Variants in ACSS1 observed in about 807,000 individuals in gnomAD.
The protein encoded by ACSS1 is acyl-CoA synthetase short chain family member 1.
A neutral mutation model predicts 75.3 loss-of-function variants in ACSS1; 42 were observed. The observed-to-expected ratio is 0.56, with a 90% CI of 0.44 to 0.72. The LOEUF is 0.72. ACSS1 is among the 30% of genes least tolerant of loss of function. The probability of loss-of-function intolerance (pLI) is 0.00; values close to 1 mark genes in which losing one functional copy is unlikely to be tolerated. For missense variants in ACSS1, 782 were observed against 935.7 expected (o/e 0.84, Z 2.14); for synonymous variants, 380 against 376.8 (o/e 1.01, Z -0.10).
In ACSS1 at chr20:25,021,431, T is replaced by A. The variant is rs1299501827; in HGVS notation, c.1066A>T (p.Thr356Ser). The A allele has an allele frequency of 6.2e-7, 1 of 1,614,216 alleles. No homozygotes were observed. Among genetic ancestry groups the A allele is most frequent in the East Asian group, 2.2e-5 (1 of 44,886 alleles). The change falls in exon 6 of 14, where the codon ACC becomes TCC. Residue 356 changes from threonine to serine, a missense_variant. By Grantham distance (58) the Thr-to-Ser change is moderately conservative. This residue lies in a region of ACSS1 where 405 missense variants were observed against 552.6 expected (regional missense o/e 0.73). Coordinates refer to ENST00000323482, the MANE Select transcript of ACSS1 (RefSeq NM_032501.4). ...GGGGTGCTCTCAAAAAGGACGCTGG[T>A]GGCACCATTGCAGAGAGGCCCATAC... ...VVYGPLCNGA[T>S]SVLFESTPVY...
chr20:25,043,068 C>G (rs1393554194), intron 2 of ACSS1, among the ~76,000 whole-genome samples: 1 of 152,124 alleles, frequency 6.6e-6, no homozygotes, highest in Non-Finnish European at 1.5e-5. Context: ...CCTGGCCCCT[C>G]CCCCTGCCAG....
chr20:25,013,926 C>A (rs1267767193), intron 9 of ACSS1, 35 bp downstream of exon 9: 11 of 1,589,750 alleles, frequency 6.9e-6, no homozygotes, highest in Non-Finnish European at 9.5e-6. Context: ...GGAGGGCAAG[C>A]ACATGACCCC....
chr20:25,023,942 C>T (rs1451515068), intron 3 of ACSS1, among the ~76,000 whole-genome samples: 1 of 152,192 alleles, frequency 6.6e-6, no homozygotes, highest in East Asian at 1.9e-4. Context: ...CAGACTTCCA[C>T]CTTTCTCTCC....
rs1464623012 is a variant in ACSS1 at position 25,057,845 on chromosome 20, G to A, written c.258C>T (p.Pro86=). ...LARDTLVWDT[P]YHTVWDCDFS... is the part of the protein sequence containing the mutation. ...AGTCGCAGTCCCAGACGGTGTGGTAGGGGGTGTCCCACACGAGAGTGTCCC... is the reference window on the plus strand; with the variant it reads ...AGTCGCAGTCCCAGACGGTGTGGTAAGGGGTGTCCCACACGAGAGTGTCCC... Residue 86 remains proline, a synonymous_variant, in exon 1 of 14, where the codon CCC becomes CCT. Coordinates refer to ENST00000323482, the MANE Select transcript of ACSS1 (RefSeq NM_032501.4). The A allele has an allele frequency of 2.5e-6, 4 of 1,612,100 alleles. No individual in the cohort carries two copies. The highest frequency in any genetic ancestry group is 1.3e-5 in the African/African-American group (1 of 74,856).
intron 2 of ACSS1, among the ~76,000 whole-genome samples, chr20:25,041,808 G>C (rs186331621): frequency 4.9e-4 from 75 of 152,350 alleles, no homozygotes; most frequent in African/African-American, 1.6e-3. Context: ...AATACATCAG[G>C]GTGAAGACCA....
In ACSS1 at chr20:25,037,299, G is replaced by C. The variant is rs1478736363; in HGVS notation, c.432-6341C>G. 3.9e-5 allele frequency among the ~76,000 whole-genome samples: 6 copies of C among 152,150 alleles called. No individual in the cohort carries two copies. In the East Asian group the frequency reaches 1.2e-3, roughly 29 times the overall value. ...GAAGTGGGAAGGACCTCCACCAAGA[G>C]CGACACCCACCCTGCAGACACCCTG... On this transcript the variant is annotated intron_variant, in intron 2 of 13. Transcript: ENST00000323482.
chr20:25,033,162 T>C (rs2088855911), intron 2 of ACSS1, among the ~76,000 whole-genome samples: 1 of 152,166 alleles, frequency 6.6e-6, no homozygotes, highest in Non-Finnish European at 1.5e-5. Flanking sequence ...TCACTCAACA[T>C]CTTCAGCCAG....
In ACSS1 at chr20:25,013,978, C is replaced by T. The variant is rs112683865; in HGVS notation, c.1435G>A (p.Val479Ile). The stretch of plus-strand genomic sequence containing the variant: ...ATACACACCTTCTCATCCATGAGGA[C>T]GGGGACGATGCCAAAGAAGGGCCTC... ...AMRPFFGIVP[V>I]LMDEKGSVVE... Residue 479 changes from valine (V) to isoleucine (I), a missense_variant, in exon 9 of 14, where the codon GTC becomes ATC. By Grantham distance (29) the Val-to-Ile change is conservative (BLOSUM62 3). This residue lies in a region of ACSS1 where 405 missense variants were observed against 552.6 expected (regional missense o/e 0.73). Coordinates refer to ENST00000323482, the MANE Select transcript of ACSS1 (RefSeq NM_032501.4). 5,087 of 1,613,688 alleles carry T rather than the reference C, an allele frequency of 3.2e-3. 126 individuals are homozygous for T. The African/African-American group carries it at 0.053, about 17-fold the overall frequency.
At chr20:25,028,149 C>T (rs1188054017) in intron 3 of ACSS1, among the ~76,000 whole-genome samples, 8 of 152,080 alleles carry the variant, frequency 5.3e-5, no homozygotes, top group Non-Finnish European at 8.8e-5. Flanking sequence ...AAAGATATCC[C>T]ATGTTTGTGG....
chr20:25,057,658 T>C, intron 1 of ACSS1, 111 bp downstream of exon 1: 1 of 1,117,814 alleles, frequency 8.9e-7, no homozygotes, highest in Non-Finnish European at 1.2e-6. Flanking sequence ...GAGGGGCCCC[T>C]GCAGGGCTGC....
chr20:25,010,088 A>C (rs2088379338), intron 12 of ACSS1: 1 of 152,444 alleles, frequency 6.6e-6, no homozygotes, highest in Non-Finnish European at 1.5e-5. Context: ...TGTCCATATA[A>C]GGAGTTGCTC....
At chr20:25,051,340 C>T (rs1015203928) in intron 1 of ACSS1, among the ~76,000 whole-genome samples, 1 of 152,234 alleles carries the variant, frequency 6.6e-6, no homozygotes, top group Non-Finnish European at 1.5e-5. Flanking sequence ...CTTGCGTCCT[C>T]GAGCCAAAGG....
At chr20:25,051,513 G>A (rs2089174237) in intron 1 of ACSS1, among the ~76,000 whole-genome samples, 1 of 152,176 alleles carries the variant, frequency 6.6e-6, no homozygotes, top group South Asian at 2.1e-4. Flanking sequence ...GTCCCCAGAG[G>A]ACGTGTTAGC....
At chr20:25,026,976 T>A (rs1055363419) in intron 3 of ACSS1, among the ~76,000 whole-genome samples, 3 of 152,216 alleles carry the variant, frequency 2.0e-5, no homozygotes, top group African/African-American at 7.2e-5. Context: ...TTTCAAACAA[T>A]CTCAACAGAA....
chr20:25,029,005 A>C (rs2088777608), intron 3 of ACSS1, among the ~76,000 whole-genome samples: 1 of 152,230 alleles, frequency 6.6e-6, no homozygotes, highest in Non-Finnish European at 1.5e-5. Context: ...GCAAAGACAC[A>C]AGCAACAAAA....
chr20:25,056,472 G>T (rs1009685427), intron 1 of ACSS1, among the ~76,000 whole-genome samples: 2 of 152,182 alleles, frequency 1.3e-5, no homozygotes, highest in South Asian at 4.1e-4. Context: ...GAGGTCCAAA[G>T]TTCCTTCCAA....
At chr20:25,041,588 A>T (rs922228431) in intron 2 of ACSS1, among the ~76,000 whole-genome samples, 1 of 152,362 alleles carries the variant, frequency 6.6e-6, no homozygotes, top group South Asian at 2.1e-4. Context: ...CCCCTTTGGG[A>T]GGGGAGCCCT....
At chr20:25,034,320 T>C (rs947631801) in intron 2 of ACSS1, among the ~76,000 whole-genome samples, 1 of 152,158 alleles carries the variant, frequency 6.6e-6, no homozygotes, top group Non-Finnish European at 1.5e-5. Context: ...CACCCCTTAG[T>C]CCTACCTCAG....
chr20:25,043,407 G>C (rs1206630397), intron 2 of ACSS1, among the ~76,000 whole-genome samples: 1 of 152,226 alleles, frequency 6.6e-6, no homozygotes, highest in Non-Finnish European at 1.5e-5. Context: ...GGAGTGTGTG[G>C]CAGCTCCCTC....
Sources: allele counts gnomAD v4.1 joint callset (sites outside exome capture counted in the v4.1 genomes callset), GRCh38; gene constraint gnomAD v4.1.1; regional missense constraint gnomAD v4.1.1; transcripts MANE v1.5; gene names NCBI Gene and HGNC (gene_info 2026-07-23, HGNC 2026-07-21).